Variants in PI4KA observed in about 807,000 individuals in gnomAD.
PI4KA encodes the protein PI4-kinase alpha.
In PI4KA, 122 loss-of-function variants were observed where a neutral mutation model predicts 271.4. The ratio of observed to expected loss-of-function variants is 0.45; its 90% CI spans 0.39 to 0.52. The LOEUF is 0.52. Ranked by LOEUF, PI4KA falls within the 20% of genes least tolerant of loss-of-function variation. PI4KA has a pLI of 0.00. For synonymous variants in PI4KA, 1,041 were observed against 1,078.8 expected (o/e 0.96, Z 0.69); for missense variants, 1,969 against 2,769.1 (o/e 0.71, Z 6.48).
In PI4KA at chr22:20,742,619, A is replaced by C; in HGVS notation, c.3602T>G (p.Ile1201Ser). 1 of 1,614,182 alleles carries C rather than the reference A, an allele frequency of 6.2e-7. No individual in the cohort carries two copies. The highest frequency in any genetic ancestry group is 2.2e-5 in the East Asian group (1 of 44,880). Residue 1201 changes from isoleucine (I) to serine (S), a missense_variant, in exon 31 of 55, where the codon ATT becomes AGT. Ile to Ser is a moderately radical substitution (Grantham distance 142). Transcript: ENST00000255882. ...QAMFKLTAML[I>S]SSKDCDPQLL... is the part of the protein sequence containing the mutation. ...CTTCAGTGAGTTACCTTTACTGCTAATGAGCATTGCGGTCAGCTTGAACAT... is the reference window on the plus strand; with the variant it reads ...CTTCAGTGAGTTACCTTTACTGCTACTGAGCATTGCGGTCAGCTTGAACAT...
intron 19 of PI4KA, among the ~76,000 whole-genome samples, chr22:20,792,943 G>GC (rs1255819553): frequency 6.6e-6 from 1 of 152,192 alleles, no homozygotes; most frequent in Admixed American, 6.5e-5. Context: ...GGGAACCAAA[G>GC]CAAGTGCCCT....
rs975137891 is a variant in PI4KA, at chr22:20,858,765, C to G, written c.-40G>C. ...CGGCGCTGCCCGCCGGCTCCCCGCT[C>G]CTGGCCCGCGAGCGCCCGACCTCAG... On this transcript the variant is annotated 5_prime_UTR_variant, in exon 1 of 55. Coordinates refer to ENST00000255882, the MANE Select transcript of PI4KA (RefSeq NM_058004.4). The G allele has an allele frequency of 7.3e-7, 1 of 1,371,632 alleles. No homozygotes were observed. Among genetic ancestry groups the G allele is most frequent in the Non-Finnish European group, 9.4e-7 (1 of 1,059,020 alleles). The allele number at this position is 1,371,632 out of a possible 1,614,324, so 85.0% of individuals were successfully genotyped here.
intron 26 of PI4KA, 35 bp downstream of exon 26, chr22:20,751,639 G>A: frequency 1.3e-6 from 2 of 1,542,510 alleles, no homozygotes; most frequent in Non-Finnish European, 1.8e-6. Flanking sequence ...TAGAGCGGGT[G>A]GTGTTTGGGC....
intron 1 of PI4KA, among the ~76,000 whole-genome samples, chr22:20,844,598 G>C (rs1302860525): frequency 6.6e-6 from 1 of 152,186 alleles, no homozygotes; most frequent in Non-Finnish European, 1.5e-5. Flanking sequence ...TGAAAGCCTG[G>C]AGCAAAATGC....
chr22:20,756,749 G>A (rs1403112944), intron 23 of PI4KA, among the ~76,000 whole-genome samples: 3 of 152,080 alleles, frequency 2.0e-5, no homozygotes, highest in Non-Finnish European at 4.4e-5. Flanking sequence ...TCCTGCCTCA[G>A]CTTCCCAAGT....
intron 30 of PI4KA, 94 bp from the exon 31 acceptor site, chr22:20,742,858 G>A: frequency 8.6e-7 from 1 of 1,168,516 alleles, no homozygotes; most frequent in Non-Finnish European, 1.3e-6. Flanking sequence ...GGTGGCACTG[G>A]TGGGTGCCTC....
At chr22:20,821,429 G>A (rs962569589) in intron 4 of PI4KA, among the ~76,000 whole-genome samples, 4 of 151,692 alleles carry the variant, frequency 2.6e-5, no homozygotes, top group South Asian at 2.1e-4. Context: ...CATGTTAGCC[G>A]GGCTGGTCTC....
In PI4KA at chr22:20,713,333, T is replaced by C. The variant is rs1189653568; in HGVS notation, c.5519A>G (p.Gln1840Arg). 1.4e-5 allele frequency: 23 copies of C among 1,599,996 alleles called. No individual in the cohort carries two copies. The highest frequency in any genetic ancestry group is 2.0e-5 in the Non-Finnish European group (23 of 1,172,474). Reference protein sequence around the residue: ...DECSTQEADGQKISWQAAIFK... With the variant: ...DECSTQEADGRKISWQAAIFK... ...GATGGCTGCCTGCCAGGAGATCTTC[T>C]GGCCGTCGGCCTCCTGCGTGCTGCA... The change falls in exon 48 of 55, where the codon CAG (glutamine) becomes CGG (arginine). Residue 1840 changes from glutamine (Q) to arginine (R), a missense_variant. By Grantham distance (43) the Gln-to-Arg change is conservative. This residue lies in a region of PI4KA where 388 missense variants were observed against 521.5 expected (regional missense o/e 0.74). Coordinates refer to ENST00000255882, the MANE Select transcript of PI4KA (RefSeq NM_058004.4).
chr22:20,755,794 A>G (rs543917644), intron 23 of PI4KA, among the ~76,000 whole-genome samples: 2 of 150,852 alleles, frequency 1.3e-5, no homozygotes, highest in South Asian at 4.2e-4. Flanking sequence ...AGAGCGACAC[A>G]CTGTCACATA....
At chr22:20,855,792 A>C (rs1263118623) in intron 1 of PI4KA, among the ~76,000 whole-genome samples, 2 of 152,266 alleles carry the variant, frequency 1.3e-5, no homozygotes, top group Non-Finnish European at 2.9e-5. Flanking sequence ...CCAGAAGGAA[A>C]GCAGGTATTC....
chr22:20,785,497 G>A (rs1934147766), intron 19 of PI4KA, among the ~76,000 whole-genome samples: 1 of 152,180 alleles, frequency 6.6e-6, no homozygotes, highest in Non-Finnish European at 1.5e-5. Context: ...CCTGCAAAGT[G>A]CCAGACTAAC....
chr22:20,790,688 TA>T (rs759603129), intron 19 of PI4KA, among the ~76,000 whole-genome samples: 2 of 108,402 alleles, frequency 1.8e-5, no homozygotes, highest in Non-Finnish European at 3.7e-5. Flanking sequence ...TAAAAAAATT[TA>T]AAAAAAACAA....
intron 36 of PI4KA, among the ~76,000 whole-genome samples, chr22:20,732,018 C>T (rs1928126483): frequency 1.3e-5 from 2 of 150,926 alleles, no homozygotes; most frequent in African/African-American, 2.4e-5. Context: ...TAAAAAAATA[C>T]AAAAAATTAG....
intron 29 of PI4KA, among the ~76,000 whole-genome samples, chr22:20,745,328 C>G (rs1414488914): frequency 6.6e-6 from 1 of 152,240 alleles, no homozygotes; most frequent in Non-Finnish European, 1.5e-5. Context: ...CTAACCCAGG[C>G]TGGCTGCTGT....
intron 36 of PI4KA, among the ~76,000 whole-genome samples, chr22:20,731,359 A>C (rs1259656059): frequency 6.6e-6 from 1 of 152,220 alleles, no homozygotes; most frequent in East Asian, 1.9e-4. Context: ...AAGCTGCCTT[A>C]GAAAGTCACT....
intron 3 of PI4KA, among the ~76,000 whole-genome samples, chr22:20,830,474 T>TTTTTCCA (rs1400027032): frequency 2.0e-5 from 3 of 152,218 alleles, no homozygotes; most frequent in African/African-American, 7.2e-5. Context: ...TCCCTGCTCT[T>TTTTTCCA]TTTTCCATTT....
intron 19 of PI4KA, chr22:20,779,253 G>C: frequency 6.2e-7 from 1 of 1,610,772 alleles, no homozygotes. Context: ...GCGGGGTGTG[G>C]ATCAGCCAGG....
At chr22:20,840,583 C>G (rs1055757076) in intron 1 of PI4KA, among the ~76,000 whole-genome samples, 1 of 152,044 alleles carries the variant, frequency 6.6e-6, no homozygotes, top group Non-Finnish European at 1.5e-5. Flanking sequence ...GCAGCTGAGG[C>G]GAAGATGTTA....
intron 19 of PI4KA, among the ~76,000 whole-genome samples, chr22:20,792,948 T>G (rs990558408): frequency 2.0e-5 from 3 of 152,122 alleles, no homozygotes; most frequent in Non-Finnish European, 4.4e-5. Context: ...CCAAAGCAAG[T>G]GCCCTTGTCA....
Sources: gnomAD v4.1 joint callset for allele counts (sites outside exome capture counted in the v4.1 genomes callset) on GRCh38, gnomAD v4.1.1 for gene constraint, gnomAD v4.1.1 regional missense constraint, MANE v1.5 for transcripts, NCBI Gene and HGNC (gene_info 2026-07-23, HGNC 2026-07-21) for gene names.